The following EFNA4 variants were observed in gnomAD, a reference collection of about 807,000 sequenced individuals.
EFNA4 encodes ephrin A4, also known as ephrin-A4.
A neutral mutation model predicts 23.7 loss-of-function variants in EFNA4; 22 were observed. The observed-to-expected ratio is 0.93, with a 90% confidence interval of 0.66 to 1.32. The LOEUF (loss-of-function observed/expected upper bound fraction) is 1.32, where lower values mean the gene tolerates loss of function less well. EFNA4 is among the 40% of genes most tolerant of loss of function. The pLI is 0.00. For missense variants in EFNA4, 252 were observed against 252.3 expected (o/e 1.00, Z 0.01); for synonymous variants, 113 against 108.3 (o/e 1.04, Z -0.27).
chr1:155,068,461 T>A (rs887458122), intron 3 of EFNA4, among the ~76,000 whole-genome samples: 2 of 135,530 alleles, frequency 1.5e-5, no homozygotes, highest in Admixed American at 7.3e-5. Context: ...TTTTTTTTTT[T>A]AGTAGAGACA....
chr1:155,063,797 G>A lies in EFNA4; in HGVS notation c.-27G>A. ...TGTGAAGCGGGCCGGGACCTGCCAG[G>A]CCAGACCAAACCGGACCTCGGGGGC... On this transcript the variant is annotated 5_prime_UTR_variant, in exon 1 of 4. Transcript: ENST00000368409. This position sits in a 1 kb window ranked among gnomAD's most constrained non-coding sequence, Gnocchi z 4.1. 11 of 1,507,056 alleles carry A rather than the reference G, an allele frequency of 7.3e-6. 1 individual carries two copies. Among genetic ancestry groups the A allele is most frequent in the East Asian group, 2.8e-5 (1 of 35,690 alleles). 93.4% of individuals were successfully genotyped at this position (1,507,056 alleles called of 1,614,324 possible).
chr1:155,063,751 T>G lies in EFNA4; in HGVS notation c.-73T>G. 2.2e-6 allele frequency: 3 copies of G among 1,341,586 alleles called. No homozygotes were observed. The highest frequency in any genetic ancestry group is 1.4e-5 in the South Asian group (1 of 71,422). The allele number at this position is 1,341,586 out of a possible 1,614,324, so 83.1% of individuals were successfully genotyped here. A position where few individuals can be genotyped will look rare whatever the true frequency, so the allele number is the denominator to read the frequency against. On this transcript the variant is annotated 5_prime_UTR_variant, in exon 1 of 4. Coordinates refer to ENST00000368409, the MANE Select transcript of EFNA4 (RefSeq NM_005227.3). The surrounding 1 kb of genome is among the most constrained non-coding windows in gnomAD (Gnocchi z 4.1). ...CCTTTCCGCAACTTCCCTCTTCACTTTGTACCTTTCTCTCCTCGACTGTGA... is the reference window on the plus strand; with the variant it reads ...CCTTTCCGCAACTTCCCTCTTCACTGTGTACCTTTCTCTCCTCGACTGTGA...
intron 3 of EFNA4, among the ~76,000 whole-genome samples, chr1:155,068,100 T>G (rs1663094065): frequency 6.6e-6 from 1 of 152,122 alleles, no homozygotes; most frequent in Non-Finnish European, 1.5e-5. Context: ...GCTAAATTAC[T>G]TTTTATTTTT....
chr1:155,064,075 A>T, intron 1 of EFNA4, 139 bp downstream of exon 1: 39 of 218,632 alleles, frequency 1.8e-4, no homozygotes, highest in Non-Finnish European at 2.3e-4. Flanking sequence ...CCGGCGGGGG[A>T]GGGGGGAGGG....
rs754498161 is a variant in EFNA4, at chr1:155,068,837, C to T, written c.470-16C>T. 17 of 1,605,172 alleles carry T rather than the reference C, an allele frequency of 1.1e-5. No individual in the cohort carries two copies. The South Asian group carries it at 1.9e-4, about 18-fold the overall frequency. ...AAGTGGGAGGACTGATCAGTGCTAC[C>T]CCCTCCCCCTCACAGAGTCTGAGTC... On this transcript the variant is annotated splice_polypyrimidine_tract_variant and intron_variant, in intron 3 of 3. Coordinates refer to ENST00000368409, the MANE Select transcript of EFNA4 (RefSeq NM_005227.3).
At chr1:155,068,758 G>T in intron 3 of EFNA4, 95 bp from the exon 4 acceptor site, 7 of 1,335,506 alleles carry the variant, frequency 5.2e-6, no homozygotes, top group Non-Finnish European at 7.0e-6. Flanking sequence ...GGGAGACCCT[G>T]GAGGATGGGA....
rs1663058284 is a variant in EFNA4, at chr1:155,066,846, T to C, written c.230T>C (p.Met77Thr). The C allele has an allele frequency of 6.2e-7, 1 of 1,613,894 alleles. No homozygotes were observed. Among genetic ancestry groups the C allele is most frequent in the African/African-American group, 1.3e-5 (1 of 74,932 alleles). Residue 77 changes from methionine to threonine, a missense_variant, in exon 2 of 4, where the codon ATG becomes ACG. By Grantham distance (81) the Met-to-Thr change is moderately conservative. Transcript: ENST00000368409. ...GGCCCCGAGACGTTTGCTTTGTACA[T>C]GGTGGACTGGCCAGGCTATGAGTCC... ...PEGPETFALYMVDWPGYESCQ... is the reference protein window; with the variant it reads ...PEGPETFALYTVDWPGYESCQ...
In EFNA4 at chr1:155,069,035, A is replaced by G. The variant is rs749435869; in HGVS notation, c.*46A>G. Reference sequence around the variant, plus strand: ...CATCCCAAGGAGCCAGAGTCCTCCCAAGATCCCCTGGAGGAGGAGGGATCC... The same window carrying G: ...CATCCCAAGGAGCCAGAGTCCTCCCGAGATCCCCTGGAGGAGGAGGGATCC... On this transcript the variant is annotated 3_prime_UTR_variant, in exon 4 of 4. Transcript: ENST00000368409. 2 of 1,612,378 alleles carry G rather than the reference A, an allele frequency of 1.2e-6. No homozygotes were observed. Among genetic ancestry groups the G allele is most frequent in the Non-Finnish European group, 1.7e-6 (2 of 1,179,114 alleles).
rs1288397903 is a variant in EFNA4 at position 155,063,916 on chromosome 1, C to T, written c.93C>T (p.Tyr31=). 6.4e-7 allele frequency: 1 copy of T among 1,567,216 alleles called. No homozygotes were observed. Among genetic ancestry groups the T allele is most frequent in the South Asian group, 1.2e-5 (1 of 84,976 alleles). Residue 31 remains tyrosine (Y), a synonymous_variant, in exon 1 of 4, where the codon TAC becomes TAT. Coordinates refer to ENST00000368409, the MANE Select transcript of EFNA4 (RefSeq NM_005227.3). The surrounding 1 kb of genome is among the most constrained non-coding windows in gnomAD (Gnocchi z 4.1). ...GCTCCAGCCTCCGCCACGTAGTCTACTGGAACTCCAGTAACCCCAGGTAGC... is the reference window on the plus strand; with the variant it reads ...GCTCCAGCCTCCGCCACGTAGTCTATTGGAACTCCAGTAACCCCAGGTAGC... ...RGGSSLRHVV[Y]WNSSNPRLLR...
rs775997490 is a variant in EFNA4, at chr1:155,066,811, G to GC, written c.200dup (p.Glu68Ter). The GC allele has an allele frequency of 9.9e-6, 16 of 1,613,696 alleles. No homozygotes were observed. In the Admixed American group the frequency reaches 1.0e-4, roughly 10 times the overall value. On this transcript the variant is annotated frameshift_variant, in exon 2 of 4. Coordinates refer to ENST00000368409, the MANE Select transcript of EFNA4 (RefSeq NM_005227.3). LOFTEE classifies it high-confidence loss of function. ...TCTGCCCCCACTACGAAGGCCCAGG[G>GC]CCCCCTGAGGGCCCCGAGACGTTTG...
At chr1:155,064,061 T>G (rs564154038) in intron 1 of EFNA4, 125 bp downstream of exon 1, 126 of 308,618 alleles carry the variant, frequency 4.1e-4, no homozygotes, top group East Asian at 1.4e-3. Flanking sequence ...CTCCTTTGTT[T>G]GAGCCGGCGG....
chr1:155,065,648 G>A lies in EFNA4; in HGVS notation c.114-1082G>A, dbSNP rs185144983. ...ACTTGCGGACTCTAAGGATCCTCCCGCCTCAGCCTCCCAAGTAGCTGGGAC... is the reference window on the plus strand; with the variant it reads ...ACTTGCGGACTCTAAGGATCCTCCCACCTCAGCCTCCCAAGTAGCTGGGAC... On this transcript the variant is annotated intron_variant, in intron 1 of 3. Coordinates refer to ENST00000368409, the MANE Select transcript of EFNA4 (RefSeq NM_005227.3). Among the ~76,000 whole-genome samples the A allele has an allele frequency of 3.0e-4, 45 of 150,430 alleles. 1 individual carries two copies. In the East Asian group the frequency reaches 8.4e-3, roughly 28 times the overall value.
rs780572219 is a variant in EFNA4 at position 155,068,838 on chromosome 1, C to T, written c.470-15C>T. The T allele has an allele frequency of 8.1e-6, 13 of 1,605,950 alleles. No individual in the cohort carries two copies. Among genetic ancestry groups the T allele is most frequent in the Middle Eastern group, 3.4e-4 (2 of 5,884 alleles). ...AGTGGGAGGACTGATCAGTGCTACC[C>T]CCTCCCCCTCACAGAGTCTGAGTCA... is the stretch of plus-strand genomic sequence containing the variant. On this transcript the variant is annotated splice_polypyrimidine_tract_variant and intron_variant, in intron 3 of 3. Coordinates refer to ENST00000368409, the MANE Select transcript of EFNA4 (RefSeq NM_005227.3).
At chr1:155,066,609 C>A in intron 1 of EFNA4, 121 bp from the exon 2 acceptor site, 1 of 1,261,168 alleles carries the variant, frequency 7.9e-7, no homozygotes, top group Non-Finnish European at 1.1e-6. Flanking sequence ...TCCTGAGCTG[C>A]TCCATCGCAC....
intron 2 of EFNA4, 40 bp from the exon 3 acceptor site, chr1:155,067,332 A>T (rs1663076458): frequency 1.2e-6 from 2 of 1,609,130 alleles, no homozygotes; most frequent in Non-Finnish European, 1.7e-6. Flanking sequence ...CAAAGGGGTG[A>T]CTCCCTGTGC....
intron 3 of EFNA4, among the ~76,000 whole-genome samples, chr1:155,067,762 CA>C (rs2102444240): frequency 6.6e-6 from 1 of 152,218 alleles, no homozygotes; most frequent in South Asian, 2.1e-4. Context: ...GCTGGGACTA[CA>C]GGCACCCGCC....
rs981034397 is a variant in EFNA4 at position 155,069,229 on chromosome 1, C to T, written c.*240C>T. The T allele has an allele frequency of 3.3e-5, 51 of 1,527,710 alleles. No individual in the cohort carries two copies. Among genetic ancestry groups the T allele is most frequent in the South Asian group, 6.2e-5 (5 of 80,570 alleles). 94.6% of individuals were successfully genotyped at this position (1,527,710 alleles called of 1,614,324 possible). On this transcript the variant is annotated 3_prime_UTR_variant, in exon 4 of 4. Transcript: ENST00000368409. Reference sequence around the variant, plus strand: ...GAAGCAGAGGCAAGACAAACACAGGCGCTTTGCAGGCTGCTCTGAGGGTCT... The same window carrying T: ...GAAGCAGAGGCAAGACAAACACAGGTGCTTTGCAGGCTGCTCTGAGGGTCT...
rs1182087715 is a variant in EFNA4, at chr1:155,063,761, C to T, written c.-63C>T. On this transcript the variant is annotated 5_prime_UTR_variant, in exon 1 of 4. Transcript: ENST00000368409. This position sits in a 1 kb window ranked among gnomAD's most constrained non-coding sequence, Gnocchi z 4.1. ...ACTTCCCTCTTCACTTTGTACCTTT[C>T]TCTCCTCGACTGTGAAGCGGGCCGG... 5.8e-6 allele frequency: 8 copies of T among 1,389,394 alleles called. No individual in the cohort carries two copies. The highest frequency in any genetic ancestry group is 7.6e-6 in the Non-Finnish European group (8 of 1,047,392). The allele number at this position is 1,389,394 out of a possible 1,614,324, so 86.1% of individuals were successfully genotyped here. A position where few individuals can be genotyped will look rare whatever the true frequency, so the allele number is the denominator to read the frequency against.
Position 155,069,091 on chromosome 1 carries a change from A to T in EFNA4, c.*102A>T. 1 of 1,611,212 alleles carries T rather than the reference A, an allele frequency of 6.2e-7. No homozygotes were observed. The highest frequency in any genetic ancestry group is 8.5e-7 in the Non-Finnish European group (1 of 1,179,060). The stretch of plus-strand genomic sequence containing the variant: ...GCCTGCACTGGGGGTGCCAATTCAG[A>T]CCGACAAGATGGAGCATTGATGGGG... On this transcript the variant is annotated 3_prime_UTR_variant, in exon 4 of 4. Transcript: ENST00000368409.
Sources: gnomAD v4.1 joint callset for allele counts (sites outside exome capture counted in the v4.1 genomes callset) on GRCh38, gnomAD v4.1.1 for gene constraint, Gnocchi (gnomAD v3.1) non-coding constraint, MANE v1.5 for transcripts, NCBI Gene and HGNC (gene_info 2026-07-23, HGNC 2026-07-21) for gene names.